Variants in ARHGEF1 observed in about 807,000 individuals in gnomAD.
ARHGEF1 encodes the protein 115 kDa guanine nucleotide exchange factor.
Under a neutral mutation model 119.7 loss-of-function variants are expected in ARHGEF1, and 40 were observed. The ratio of observed to expected loss-of-function variants is 0.33; its 90% CI spans 0.26 to 0.44. ARHGEF1 has a LOEUF of 0.44. Ranked by LOEUF, ARHGEF1 falls within the 20% of genes least tolerant of loss-of-function variation. ARHGEF1 has a pLI of 1.00. For missense variants in ARHGEF1, 976 were observed against 1,268.3 expected (o/e 0.77, Z 3.50); for synonymous variants, 494 against 521.0 (o/e 0.95, Z 0.71).
Position 41,893,293 on chromosome 19 carries a change from G to A in ARHGEF1, c.634G>A (p.Glu212Lys), listed in dbSNP as rs1413353058. ...EEMQHTISTD[E>K]EKSAAVVNAI... is the part of the protein sequence containing the mutation. The stretch of plus-strand genomic sequence containing the variant: ...CTACAGACATACCATCTCTACCGAC[G>A]AAGAAAAGAGGTGAGGGGGGCAGGG... The change falls in exon 8 of 29, where the codon GAA becomes AAA. Residue 212 changes from glutamate (E) to lysine (K), a missense_variant. By Grantham distance (56) the Glu-to-Lys change is moderately conservative. Transcript: ENST00000354532. 1.9e-6 allele frequency: 3 copies of A among 1,609,870 alleles called. No individual in the cohort carries two copies. The highest frequency in any genetic ancestry group is 1.7e-6 in the Non-Finnish European group (2 of 1,178,542).
Position 41,906,849 on chromosome 19 carries a change from T to TC in ARHGEF1, c.*17+51dup. On this transcript the variant is annotated intron_variant, in intron 28 of 28. Coordinates refer to ENST00000354532, the MANE Select transcript of ARHGEF1 (RefSeq NM_004706.4). This position sits in a 1 kb window ranked among gnomAD's most constrained non-coding sequence, Gnocchi z 4.5. ...CCAGGGCGCTGTCCTGAAAGGAGGG[T>TC]CCCCCTCCAGAGCTCGCATCCCTAC... is the stretch of plus-strand genomic sequence containing the variant. 6.8e-7 allele frequency: 1 copy of TC among 1,462,516 alleles called. No individual in the cohort carries two copies. Among genetic ancestry groups the TC allele is most frequent in the Non-Finnish European group, 9.3e-7 (1 of 1,077,566 alleles). The allele number at this position is 1,462,516 out of a possible 1,614,324, so 90.6% of individuals were successfully genotyped here.
intron 18 of ARHGEF1, chr19:41,913,053 C>T (rs1369402032): frequency 1.7e-5 from 7 of 410,602 alleles, no homozygotes; most frequent in Admixed American, 4.4e-5. Flanking sequence ...GCCTGACACC[C>T]TCTCCCCGCA....
upstream of ARHGEF1, among the ~76,000 whole-genome samples, chr19:41,920,104 ACTCACAGACATGACACGCTCACACATGCG>A (rs2074831073): frequency 1.8e-5 from 2 of 108,750 alleles, no homozygotes; most frequent in Admixed American, 1.2e-4. Flanking sequence ...ACAGACATAC[ACTCACAGACATGACACGCTCACACATGCG>A]CTCACAGACA....
chr19:41,893,384 G>A (rs1455948586), intron 8 of ARHGEF1, 81 bp downstream of exon 8: 2 of 1,214,418 alleles, frequency 1.6e-6, no homozygotes, highest in Non-Finnish European at 2.2e-6. Context: ...GGGTCTGAGG[G>A]AGGAGGAGGC....
At chr19:41,929,064 C>A (rs1555853623) in intron 2 of ARHGEF1, 2 of 348,660 alleles carry the variant, frequency 5.7e-6, no homozygotes, top group Middle Eastern at 4.1e-4. Flanking sequence ...CACAGACCTG[C>A]CATCTATACA....
chr19:41,887,950 C>A, intron 1 of ARHGEF1, 114 bp from the exon 2 acceptor site: 1 of 1,208,060 alleles, frequency 8.3e-7, no homozygotes, highest in Non-Finnish European at 1.1e-6. Flanking sequence ...GCTGCGGAGG[C>A]TGGGATGGGG....
chr19:41,887,353 C>T (rs1389976427), intron 1 of ARHGEF1, among the ~76,000 whole-genome samples: 4 of 152,050 alleles, frequency 2.6e-5, no homozygotes, highest in Non-Finnish European at 5.9e-5. Flanking sequence ...CCAAGGCGCA[C>T]GTAGGGTGGA....
rs199925098 is a variant in ARHGEF1, at chr19:41,902,496, C to T, written c.1498-37C>T. Reference sequence around the variant, plus strand: ...CTTTAGTCCCTGTTCTTGCCCATCCCCACTGAGACACCTGCCTGGCCTGAA... The same window carrying T: ...CTTTAGTCCCTGTTCTTGCCCATCCTCACTGAGACACCTGCCTGGCCTGAA... On this transcript the variant is annotated intron_variant, in intron 16 of 28. Coordinates refer to ENST00000354532, the MANE Select transcript of ARHGEF1 (RefSeq NM_004706.4). The surrounding 1 kb of genome is among the most constrained non-coding windows in gnomAD (Gnocchi z 6.5). 2.0e-4 allele frequency: 315 copies of T among 1,613,416 alleles called. 2 individuals carry two copies. The highest frequency in any genetic ancestry group is 8.3e-5 in the Admixed American group (5 of 59,998).
chr19:41,892,726 G>C lies in ARHGEF1; in HGVS notation c.491G>C (p.Gly164Ala). 6.2e-7 allele frequency: 1 copy of C among 1,612,608 alleles called. No individual in the cohort carries two copies. The highest frequency in any genetic ancestry group is 8.5e-7 in the Non-Finnish European group (1 of 1,179,416). Residue 164 changes from glycine to alanine, a missense_variant, in exon 7 of 29, where the codon GGC becomes GCC. Gly to Ala is a moderately conservative substitution (Grantham distance 60, BLOSUM62 0). This residue lies in a region of ARHGEF1 where 519 missense variants were observed against 580.9 expected (regional missense o/e 0.89). Coordinates refer to ENST00000354532, the MANE Select transcript of ARHGEF1 (RefSeq NM_004706.4). The surrounding 1 kb of genome is among the most constrained non-coding windows in gnomAD (Gnocchi z 6.3). ...GACTTCCGTTCCAAGCGGCTCATGG[G>C]CATGACGCCCTGGGAGCAGGAGCTG... ...LEDFRSKRLM[G>A]MTPWEQELAQ...
At chr19:41,898,367 T>C in intron 13 of ARHGEF1, 75 bp from the exon 14 acceptor site, 1 of 1,546,694 alleles carries the variant, frequency 6.5e-7, no homozygotes, top group Non-Finnish European at 8.7e-7. Context: ...TGACCGGGGT[T>C]GAACGCTCTA....
chr19:41,908,453 C>T (rs899082762), downstream of ARHGEF1: 82 of 1,231,216 alleles, frequency 6.7e-5, no homozygotes, highest in African/African-American at 1.9e-4. The surrounding 1 kb of genome is among the most constrained non-coding windows in gnomAD (Gnocchi z 6.7). Context: ...CCTCCCCTGT[C>T]GAGGCCAGCA....
upstream of ARHGEF1, among the ~76,000 whole-genome samples, chr19:41,919,935 C>T (rs2074828092): frequency 6.7e-6 from 1 of 150,260 alleles, no homozygotes; most frequent in South Asian, 2.3e-4. Context: ...CGCTCACAGA[C>T]ATGATACGCC....
chr19:41,918,714 A>G (rs1261687986), upstream of ARHGEF1, among the ~76,000 whole-genome samples: 1 of 148,840 alleles, frequency 6.7e-6, no homozygotes, highest in Non-Finnish European at 1.5e-5. Context: ...CACCACACAC[A>G]CCACGTACAC....
In ARHGEF1 at chr19:41,892,682, C is replaced by T. The variant is rs781831173; in HGVS notation, c.447C>T (p.Ala149=). Residue 149 remains alanine (A), a synonymous_variant, in exon 7 of 29, where the codon GCC becomes GCT. Transcript: ENST00000354532. This position sits in a 1 kb window ranked among gnomAD's most constrained non-coding sequence, Gnocchi z 6.3. ...AGGTGGTGCAAAGCCAGCAGGTAGCCGTGGGCCGGCAGCTGGAGGACTTCC... is the reference window on the plus strand; with the variant it reads ...AGGTGGTGCAAAGCCAGCAGGTAGCTGTGGGCCGGCAGCTGGAGGACTTCC... ...VQEVVQSQQV[A]VGRQLEDFRS... The T allele has an allele frequency of 9.9e-6, 16 of 1,613,586 alleles. No homozygotes were observed. The highest frequency in any genetic ancestry group is 8.9e-5 in the East Asian group (4 of 44,890).
rs1555844775 is a variant in ARHGEF1 at position 41,883,884 on chromosome 19, TG to T, written c.-20+598del. ...TGGAGGCCTTCTCCCATTGTACGGA[TG>T]GGAAGACTGAGGTCTACAGAGAAGT... On this transcript the variant is annotated intron_variant, in intron 1 of 28. Coordinates refer to ENST00000354532, the MANE Select transcript of ARHGEF1 (RefSeq NM_004706.4). The surrounding 1 kb of genome is among the most constrained non-coding windows in gnomAD (Gnocchi z 7.6). Among the ~76,000 whole-genome samples the T allele has an allele frequency of 1.3e-5, 2 of 151,958 alleles. No homozygotes were observed. The highest frequency in any genetic ancestry group is 4.8e-5 in the African/African-American group (2 of 41,360).
chr19:41,908,134 T>C (rs2074728730), downstream of ARHGEF1: 3 of 1,031,148 alleles, frequency 2.9e-6, no homozygotes, highest in Non-Finnish European at 2.5e-6. The surrounding 1 kb of genome is among the most constrained non-coding windows in gnomAD (Gnocchi z 6.7). Context: ...TGGGAGGTGC[T>C]GAGGGCTGGT....
downstream of ARHGEF1, chr19:41,930,130 A>C (rs1352329678): frequency 4.6e-5 from 7 of 152,132 alleles, no homozygotes; most frequent in African/African-American, 1.7e-4. Context: ...AAATATTAAG[A>C]ATTTTGCCAG....
At position 41,907,443 on chromosome 19, in the gene ARHGEF1, T is replaced by G. The variant is rs1163330287; in HGVS notation, c.*356T>G. 2 of 1,513,840 alleles carry G rather than the reference T, an allele frequency of 1.3e-6. No homozygotes were observed. The highest frequency in any genetic ancestry group is 2.5e-5 in the East Asian group (1 of 40,578). 93.8% of individuals were successfully genotyped at this position (1,513,840 alleles called of 1,614,324 possible). Reference sequence around the variant, plus strand: ...GAGGTTTATTTTTTAATATATATTATCTAAGAAGAGATCTGTGTGTGTGAT... The same window carrying G: ...GAGGTTTATTTTTTAATATATATTAGCTAAGAAGAGATCTGTGTGTGTGAT... On this transcript the variant is annotated 3_prime_UTR_variant, in exon 29 of 29. Transcript: ENST00000354532.
chr19:41,911,388 G>A (rs2074750310), downstream of ARHGEF1, among the ~76,000 whole-genome samples: 2 of 152,242 alleles, frequency 1.3e-5, no homozygotes, highest in South Asian at 4.1e-4. Context: ...CAGCAGTGCA[G>A]GAGAGAGGAG....
Sources: allele counts gnomAD v4.1 joint callset (sites outside exome capture counted in the v4.1 genomes callset), GRCh38; gene constraint gnomAD v4.1.1; regional missense constraint gnomAD v4.1.1; non-coding constraint Gnocchi (gnomAD v3.1); transcripts MANE v1.5; gene names NCBI Gene and HGNC (gene_info 2026-07-23, HGNC 2026-07-21).